The following PPP3CC variants were observed in gnomAD, a reference collection of about 807,000 sequenced individuals.
The protein encoded by PPP3CC is serine/threonine-protein phosphatase 2B catalytic subunit gamma isoform.
PPP3CC carries 35 observed loss-of-function variants against 60.3 expected under a neutral mutation model. The observed-to-expected ratio is 0.58, with a 90% CI of 0.44 to 0.77. PPP3CC has a LOEUF of 0.77. Ranked by LOEUF, PPP3CC falls within the 30% of genes least tolerant of loss-of-function variation. The pLI, the probability that PPP3CC is intolerant of heterozygous loss-of-function variation, is 0.00. For missense variants in PPP3CC, 570 were observed against 628.9 expected, an observed-to-expected ratio of 0.91 and a Z score of 1.00; for synonymous variants, 206 against 224.3, an observed-to-expected ratio of 0.92 and a Z score of 0.73.
At chr8:22,450,799 T>TTTCATTTA (rs1554527137) in intron 1 of PPP3CC, among the ~76,000 whole-genome samples, 1 of 133,270 alleles carries the variant, frequency 7.5e-6, no homozygotes, top group African/African-American at 2.8e-5. Flanking sequence ...CCTACTTTAT[T>TTTCATTTA]TTTATTTATT....
intron 1 of PPP3CC, among the ~76,000 whole-genome samples, chr8:22,457,389 G>T (rs772011430): frequency 6.7e-6 from 1 of 150,324 alleles, no homozygotes; most frequent in Non-Finnish European, 1.5e-5. Flanking sequence ...TGCAACCTCC[G>T]CCTCCTAGGT....
chr8:22,520,224 A>G (rs1388701375), intron 6 of PPP3CC, among the ~76,000 whole-genome samples: 1 of 152,092 alleles, frequency 6.6e-6, no homozygotes, highest in Non-Finnish European at 1.5e-5. Context: ...TGTATATTAT[A>G]TGACAAGTAG....
chr8:22,491,625 T>C (rs1563734662), intron 3 of PPP3CC, among the ~76,000 whole-genome samples: 1 of 152,230 alleles, frequency 6.6e-6, no homozygotes, highest in Non-Finnish European at 1.5e-5. Context: ...GGACATGTAT[T>C]GCTTTCATTA....
At chr8:22,486,305 AG>A (rs1838222752) in intron 3 of PPP3CC, among the ~76,000 whole-genome samples, 1 of 152,074 alleles carries the variant, frequency 6.6e-6, no homozygotes, top group African/African-American at 2.4e-5. Flanking sequence ...CAGGGAAGGA[AG>A]GCCCTTATCC....
chr8:22,539,397 A>G (rs117132028), intron 12 of PPP3CC, 72 bp from the exon 13 acceptor site: 17,738 of 1,547,746 alleles, frequency 0.011, 148 homozygotes, highest in Non-Finnish European at 0.014. Context: ...CTGTGCTGCC[A>G]TCAGTGCTGT....
At chr8:22,449,052 A>G (rs778911530) in intron 1 of PPP3CC, among the ~76,000 whole-genome samples, 13 of 152,096 alleles carry the variant, frequency 8.5e-5, no homozygotes, top group Non-Finnish European at 1.6e-4. Flanking sequence ...CCAAGGCTTC[A>G]GTGAACTATG....
At chr8:22,467,805 G>T (rs760837768) in intron 1 of PPP3CC, among the ~76,000 whole-genome samples, 16 of 152,166 alleles carry the variant, frequency 1.1e-4, no homozygotes, top group Non-Finnish European at 2.2e-4. Flanking sequence ...AGTCCTAGAG[G>T]CTGGGAAGTC....
At position 22,441,196 on chromosome 8, in the gene PPP3CC, G is replaced by A. The variant is rs1327123085; in HGVS notation, c.-214G>A. The A allele has an allele frequency of 4.9e-5, 21 of 428,820 alleles. No individual in the cohort carries two copies. The Admixed American group carries it at 9.4e-4, about 19-fold the overall frequency. 26.6% of individuals were successfully genotyped at this position (428,820 alleles called of 1,614,324 possible). A position where few individuals can be genotyped will look rare whatever the true frequency, so the allele number is the denominator to read the frequency against. ...CCTTAGCCGCTGGCGCCTCCCAAGAGAGCGGCCGGTGGGCCCTCGTCCTGT... is the reference window on the plus strand; with the variant it reads ...CCTTAGCCGCTGGCGCCTCCCAAGAAAGCGGCCGGTGGGCCCTCGTCCTGT... On this transcript the variant is annotated 5_prime_UTR_variant, in exon 1 of 14. Transcript: ENST00000240139.
chr8:22,457,177 A>G (rs1837228863), intron 1 of PPP3CC, among the ~76,000 whole-genome samples: 1 of 150,338 alleles, frequency 6.7e-6, no homozygotes. Context: ...CATATTACAT[A>G]TATATCTGAA....
chr8:22,529,870 T>TC (rs1839656173), intron 10 of PPP3CC, among the ~76,000 whole-genome samples: 1 of 152,180 alleles, frequency 6.6e-6, no homozygotes, highest in African/African-American at 2.4e-5. Flanking sequence ...GTACTTTTTT[T>TC]CCTAGTGTGC....
chr8:22,464,239 T>C (rs1837449739), intron 1 of PPP3CC, among the ~76,000 whole-genome samples: 1 of 152,144 alleles, frequency 6.6e-6, no homozygotes, highest in African/African-American at 2.4e-5. Context: ...ATTCAGAGTA[T>C]GCCAAACAAA....
In PPP3CC at chr8:22,462,587, T is replaced by C. The variant is rs80153725; in HGVS notation, c.50-12367T>C. Among the ~76,000 whole-genome samples the C allele has an allele frequency of 3.4e-3, 523 of 151,972 alleles. 3 individuals carry two copies. Among genetic ancestry groups the C allele is most frequent in the African/African-American group, 0.012 (484 of 41,476 alleles). On this transcript the variant is annotated intron_variant, in intron 1 of 13. Transcript: ENST00000240139. ...TTTTTTCTTTTTTCTTTTTTTTTTT[T>C]TGAGACGGAGTCTTGCTCTGTTGCC...
intron 12 of PPP3CC, 102 bp downstream of exon 12, chr8:22,533,120 A>T: frequency 1.2e-6 from 1 of 819,260 alleles, no homozygotes; most frequent in Non-Finnish European, 1.8e-6. Context: ...CCACGAGAGC[A>T]GTTGGTTATA....
At chr8:22,506,092 G>T (rs1338417616) in intron 4 of PPP3CC, among the ~76,000 whole-genome samples, 1 of 151,790 alleles carries the variant, frequency 6.6e-6, no homozygotes, top group African/African-American at 2.4e-5. Flanking sequence ...CTCAGTGTCT[G>T]TTGTTCTGGG....
rs760538011 is a variant in PPP3CC at position 22,540,722 on chromosome 8, G to A, written c.1459G>A (p.Gly487Ser). ...MPPRKDSIHA[G>S]GPMKSVTSAH... ...ACCCCGAAAGGATAGCATACACGCTGGTGGGCCAATGAAATCTGTAACCTC... is the reference window on the plus strand; with the variant it reads ...ACCCCGAAAGGATAGCATACACGCTAGTGGGCCAATGAAATCTGTAACCTC... The change falls in exon 14 of 14, where the codon GGT (glycine) becomes AGT (serine). Residue 487 changes from glycine (G) to serine (S), a missense_variant. By Grantham distance (56) the Gly-to-Ser change is moderately conservative. Transcript: ENST00000240139. The A allele has an allele frequency of 1.9e-6, 3 of 1,614,160 alleles. No individual in the cohort carries two copies. Among genetic ancestry groups the A allele is most frequent in the African/African-American group, 1.3e-5 (1 of 75,044 alleles).
chr8:22,442,431 A>G (rs1372710673), intron 1 of PPP3CC, among the ~76,000 whole-genome samples: 3 of 152,226 alleles, frequency 2.0e-5, no homozygotes, highest in African/African-American at 7.2e-5. Context: ...AACTAATACT[A>G]GTGACGGGAA....
chr8:22,472,525 A>T (rs956213395), intron 1 of PPP3CC, among the ~76,000 whole-genome samples: 1 of 152,050 alleles, frequency 6.6e-6, no homozygotes, highest in African/African-American at 2.4e-5. Context: ...ATCTCCTAGG[A>T]TAACAATACC....
intron 3 of PPP3CC, among the ~76,000 whole-genome samples, chr8:22,490,269 T>C (rs984466252): frequency 3.3e-5 from 5 of 152,174 alleles, no homozygotes; most frequent in African/African-American, 1.2e-4. Flanking sequence ...AAACAGAGGT[T>C]GCAGGACCCT....
chr8:22,523,235 C>T (rs1017986191), intron 8 of PPP3CC, among the ~76,000 whole-genome samples: 3 of 151,918 alleles, frequency 2.0e-5, no homozygotes, highest in Non-Finnish European at 2.9e-5. Flanking sequence ...CTGCCAGAAA[C>T]GAATACTGTG....
Sources: gnomAD v4.1 joint callset for allele counts (sites outside exome capture counted in the v4.1 genomes callset) on GRCh38, gnomAD v4.1.1 for gene constraint, MANE v1.5 for transcripts, NCBI Gene and HGNC (gene_info 2026-07-23, HGNC 2026-07-21) for gene names.